FAM186A: variants seen among roughly 807,000 people sequenced by gnomAD.
FAM186A encodes the protein family with sequence similarity 186 member A.
Under a neutral mutation model 216.8 loss-of-function variants are expected in FAM186A, and 163 were observed. That is an observed-to-expected ratio of 0.75 (90% CI 0.66 to 0.86). The LOEUF (loss-of-function observed/expected upper bound fraction) is 0.86, where lower values mean the gene tolerates loss of function less well. FAM186A is among the 40% of genes least tolerant of loss of function. The probability of loss-of-function intolerance (pLI) is 0.00; values close to 1 mark genes in which losing one functional copy is unlikely to be tolerated. For missense variants in FAM186A, 2,184 were observed against 2,746.2 expected (o/e 0.80, Z 4.58); for synonymous variants, 805 against 1,025.3 (o/e 0.79, Z 4.10).
At chr12:50,363,673 C>T (rs890680615) in intron 1 of FAM186A, among the ~76,000 whole-genome samples, 3 of 151,224 alleles carry the variant, frequency 2.0e-5, no homozygotes, top group Non-Finnish European at 4.4e-5. Context: ...CTCCCTCTGC[C>T]GCCTCTGTAA....
intron 1 of FAM186A, among the ~76,000 whole-genome samples, chr12:50,390,983 C>T (rs1246331741): frequency 6.6e-6 from 1 of 151,900 alleles, no homozygotes; most frequent in Non-Finnish European, 1.5e-5. Flanking sequence ...AGCTACCATG[C>T]CCTACCTCCT....
chr12:50,336,116 C>T lies in FAM186A; in HGVS notation c.6504-2013G>A, dbSNP rs1236825968. On this transcript the variant is annotated intron_variant, in intron 4 of 7. Coordinates refer to ENST00000327337, the MANE Select transcript of FAM186A (RefSeq NM_001145475.3). ...CTCCAGCCTGGGTGACAGAGTGAGA[C>T]TCCATCTCAAAAAAAAAAAAAAGAG... Among the ~76,000 whole-genome samples the T allele has an allele frequency of 3.9e-5, 4 of 103,794 alleles. No individual in the cohort carries two copies. In the East Asian group the frequency reaches 7.2e-4, roughly 19 times the overall value. The allele number at this position is 103,794 out of a possible 152,430, so 68.1% of individuals were successfully genotyped here. A position where few individuals can be genotyped will look rare whatever the true frequency, so the allele number is the denominator to read the frequency against.
intron 1 of FAM186A, among the ~76,000 whole-genome samples, chr12:50,383,628 C>T (rs980390411): frequency 2.6e-5 from 4 of 151,832 alleles, no homozygotes; most frequent in Non-Finnish European, 4.4e-5. Context: ...ACAAACAAAC[C>T]CCACCTTTAT....
rs1052235982 is a variant in FAM186A at position 50,350,354 on chromosome 12, C to T, written c.6478G>A (p.Ala2160Thr). The T allele has an allele frequency of 3.9e-6, 6 of 1,549,860 alleles. No individual in the cohort carries two copies. Among genetic ancestry groups the T allele is most frequent in the Non-Finnish European group, 5.2e-6 (6 of 1,146,070 alleles). ...QLGYLFRKYI[A>T]YRLIQHARNN... ...CTGGCATGCTGGATCAGCCTATAGG[C>T]AATGTACTTGCGGAATAAGTATCCC... The change falls in exon 4 of 8, where the codon GCC becomes ACC. Residue 2160 changes from alanine to threonine, a missense_variant. Around this residue, in one of 7 missense-constraint regions of FAM186A, gnomAD observed 721 missense variants for 816.4 expected, o/e 0.88. Coordinates refer to ENST00000327337, the MANE Select transcript of FAM186A (RefSeq NM_001145475.3).
intron 1 of FAM186A, among the ~76,000 whole-genome samples, chr12:50,373,380 G>C (rs1425955698): frequency 6.6e-6 from 1 of 152,298 alleles, no homozygotes; most frequent in East Asian, 1.9e-4. Context: ...CTGGATGACA[G>C]AGTAAGACTC....
At chr12:50,346,237 A>AAAGAAAG (rs1383898895) in intron 4 of FAM186A, among the ~76,000 whole-genome samples, 1,155 of 102,256 alleles carry the variant, frequency 0.011, 198 homozygotes, top group Middle Eastern at 0.024. Flanking sequence ...AAGAAAGAAA[A>AAAGAAAG]AAAGAAAGAA....
At chr12:50,338,711 C>G (rs867618247) in intron 4 of FAM186A, among the ~76,000 whole-genome samples, 1 of 151,760 alleles carries the variant, frequency 6.6e-6, no homozygotes, top group African/African-American at 2.4e-5. Flanking sequence ...ACTATATAGA[C>G]TTTGGAAATG....
chr12:50,351,016 G>A lies in FAM186A; in HGVS notation c.5816C>T (p.Ala1939Val), dbSNP rs1484298610. The stretch of plus-strand genomic sequence containing the variant: ...CCAACTTTTCTGGGGCTTTCCAGGG[G>A]CTGGGGACGGCCATAGTGTGGGAGG... ...RHPPTLWPSP[A>V]PGKPQKSWSP... The change falls in exon 4 of 8, where the codon GCC becomes GTC. Residue 1939 changes from alanine (A) to valine (V), a missense_variant. Ala to Val is a moderately conservative substitution (Grantham distance 64, BLOSUM62 0). This residue lies in a region of FAM186A where 721 missense variants were observed against 816.4 expected (regional missense o/e 0.88). Coordinates refer to ENST00000327337, the MANE Select transcript of FAM186A (RefSeq NM_001145475.3). The A allele has an allele frequency of 6.4e-7, 1 of 1,551,540 alleles. No homozygotes were observed. Among genetic ancestry groups the A allele is most frequent in the Admixed American group, 2.0e-5 (1 of 50,980 alleles).
chr12:50,356,039 T>C lies in FAM186A; in HGVS notation c.793A>G (p.Ile265Val), dbSNP rs1046265613. 9.7e-6 allele frequency: 15 copies of C among 1,551,518 alleles called. No individual in the cohort carries two copies. In the Middle Eastern group the frequency reaches 5.0e-4, roughly 52 times the overall value. Residue 265 changes from isoleucine (I) to valine (V), a missense_variant, in exon 4 of 8, where the codon ATA becomes GTA. Physicochemically the swap from Ile to Val is conservative, Grantham distance 29. Around this residue, in one of 7 missense-constraint regions of FAM186A, gnomAD observed 1,132 missense variants for 1,263.4 expected, o/e 0.90. Coordinates refer to ENST00000327337, the MANE Select transcript of FAM186A (RefSeq NM_001145475.3). ...CTCAAAGCTGTAGAAAGGTTTACTA[T>C]TGTTGATGATATATATTTAATAGCA... ...NNAIKYISSTIVNLSTALSML... is the reference protein window; with the variant it reads ...NNAIKYISSTVVNLSTALSML...
chr12:50,337,936 T>G (rs912699289), intron 4 of FAM186A, among the ~76,000 whole-genome samples: 1 of 151,806 alleles, frequency 6.6e-6, no homozygotes, highest in South Asian at 2.1e-4. Flanking sequence ...AATCTGAGCA[T>G]TCAATCCAGT....
intron 7 of FAM186A, among the ~76,000 whole-genome samples, chr12:50,329,326 A>G (rs1782662558): frequency 6.6e-6 from 1 of 152,086 alleles, no homozygotes; most frequent in African/African-American, 2.4e-5. Flanking sequence ...TCTCAAAATA[A>G]CCTAAATTAA....
intron 1 of FAM186A, among the ~76,000 whole-genome samples, chr12:50,371,362 CT>C (rs1479638519): frequency 6.6e-6 from 1 of 152,084 alleles, no homozygotes; most frequent in Admixed American, 6.6e-5. Context: ...CATGATCCAT[CT>C]GCCTCTGCCT....
chr12:50,354,996 G>A lies in FAM186A; in HGVS notation c.1836C>T (p.Ile612=), dbSNP rs1942957719. 6.4e-7 allele frequency: 1 copy of A among 1,551,456 alleles called. No individual in the cohort carries two copies. Among genetic ancestry groups the A allele is most frequent in the Non-Finnish European group, 8.7e-7 (1 of 1,146,978 alleles). ...KGKIKGKKHH[I]SSGTITSKEE... is the part of the protein sequence containing the mutation. ...CTTTGCTTGTGATAGTTCCTGAAGA[G>A]ATATGGTGTTTCTTTCCTTTTATTT... The change falls in exon 4 of 8, where the codon ATC becomes ATT. Residue 612 remains isoleucine (I), a synonymous_variant. Transcript: ENST00000327337.
At chr12:50,378,983 T>C (rs957724682) in intron 1 of FAM186A, among the ~76,000 whole-genome samples, 14 of 152,158 alleles carry the variant, frequency 9.2e-5, no homozygotes, top group African/African-American at 2.7e-4. Context: ...GAATTAACTA[T>C]GGTATAACTG....
intron 1 of FAM186A, among the ~76,000 whole-genome samples, chr12:50,392,008 A>T (rs1014174348): frequency 6.6e-6 from 1 of 152,166 alleles, no homozygotes; most frequent in Non-Finnish European, 1.5e-5. Context: ...GTGTGGATGA[A>T]TCTCAAAATA....
intron 7 of FAM186A, among the ~76,000 whole-genome samples, chr12:50,329,534 T>A (rs976153925): frequency 7.9e-5 from 12 of 152,146 alleles, no homozygotes; most frequent in Admixed American, 7.9e-4. Flanking sequence ...TTTCCTGTAT[T>A]ATAGAATTTT....
intron 1 of FAM186A, among the ~76,000 whole-genome samples, chr12:50,384,795 A>C (rs1943286688): frequency 1.3e-5 from 2 of 152,132 alleles, no homozygotes; most frequent in African/African-American, 4.8e-5. Context: ...AAATCCACTC[A>C]AAATGGATTA....
At chr12:50,372,453 G>A (rs994050739) in intron 1 of FAM186A, among the ~76,000 whole-genome samples, 1 of 151,758 alleles carries the variant, frequency 6.6e-6, no homozygotes, top group African/African-American at 2.4e-5. Flanking sequence ...AATTAGCCGG[G>A]CATGGTGGTG....
At chr12:50,345,057 G>A (rs1244642141) in intron 4 of FAM186A, among the ~76,000 whole-genome samples, 8 of 152,220 alleles carry the variant, frequency 5.3e-5, no homozygotes, top group South Asian at 2.1e-4. Flanking sequence ...TTCGAGACCA[G>A]CCTGACCAAT....
Sources: gnomAD v4.1 joint callset for allele counts (sites outside exome capture counted in the v4.1 genomes callset) on GRCh38, gnomAD v4.1.1 for gene constraint, gnomAD v4.1.1 regional missense constraint, MANE v1.5 for transcripts, NCBI Gene and HGNC (gene_info 2026-07-23, HGNC 2026-07-21) for gene names.